RBFOX1: variants seen among roughly 807,000 people sequenced by gnomAD.
The protein encoded by RBFOX1 is RNA binding fox-1 homolog 1, also known as RNA binding protein fox-1 homolog 1.
In RBFOX1, 8 loss-of-function variants were observed where a neutral mutation model predicts 57.7. The ratio of observed to expected loss-of-function variants is 0.14; its 90% CI spans 0.08 to 0.25. The LOEUF (loss-of-function observed/expected upper bound fraction) is 0.25. Ranked by LOEUF, RBFOX1 falls within the 10% of genes least tolerant of loss-of-function variation. The pLI is 1.00. For synonymous variants in RBFOX1, 326 were observed against 222.4 expected, an observed-to-expected ratio of 1.47 and a Z score of -4.15; for missense variants, 611 against 548.5, an observed-to-expected ratio of 1.11 and a Z score of -1.14.
Position 7,555,851 on chromosome 16 carries a change from A to C in RBFOX1, c.271-23926A>C, listed in dbSNP as rs549326878. 5.9e-5 allele frequency among the ~76,000 whole-genome samples: 9 copies of C among 152,228 alleles called. No homozygotes were observed. In the East Asian group the frequency reaches 1.5e-3, roughly 26 times the overall value. On this transcript the variant is annotated intron_variant, in intron 5 of 15. Coordinates refer to ENST00000550418, the MANE Select transcript of RBFOX1 (RefSeq NM_018723.4). ...GGTCCCTTCCTCCTGCTCAGTATTT[A>C]TCTCATGGTGCCTATGCTTCCAACA...
chr16:5,519,128 C>T (rs943420944), intron 2 of RBFOX1, among the ~76,000 whole-genome samples: 6 of 152,174 alleles, frequency 3.9e-5, no homozygotes, highest in Non-Finnish European at 7.3e-5. Flanking sequence ...TCTCAAACTC[C>T]AAGCCTCCAG....
At chr16:5,870,403 T>G (rs2057442330) in intron 4 of RBFOX1, among the ~76,000 whole-genome samples, 1 of 146,326 alleles carries the variant, frequency 6.8e-6, no homozygotes. Context: ...TGAAGGCACT[T>G]GGCAAGAAAA....
At chr16:6,533,450 C>G (rs1269135013) in intron 2 of RBFOX1, among the ~76,000 whole-genome samples, 1 of 151,914 alleles carries the variant, frequency 6.6e-6, no homozygotes, top group African/African-American at 2.4e-5. Context: ...CACCAGCATC[C>G]ATAGTCCTGA....
chr16:5,788,520 T>C (rs1376193364), intron 3 of RBFOX1, among the ~76,000 whole-genome samples: 1 of 152,002 alleles, frequency 6.6e-6, no homozygotes, highest in African/African-American at 2.4e-5. Flanking sequence ...TCCCAGCTAG[T>C]TGGGAGGCTG....
At chr16:7,258,336 A>T (rs1283953189) in intron 4 of RBFOX1, among the ~76,000 whole-genome samples, 2 of 152,212 alleles carry the variant, frequency 1.3e-5, no homozygotes, top group African/African-American at 4.8e-5. Context: ...ATGATAAGAA[A>T]TATTAATGGT....
chr16:6,926,249 G>A (rs1034861626), intron 3 of RBFOX1, among the ~76,000 whole-genome samples: 2 of 152,194 alleles, frequency 1.3e-5, no homozygotes, highest in Non-Finnish European at 2.9e-5. Context: ...GGAGGTTGCA[G>A]TGAGCTGAGA....
intron 1 of RBFOX1, among the ~76,000 whole-genome samples, chr16:5,274,072 G>C (rs890388703): frequency 6.6e-6 from 1 of 152,150 alleles, no homozygotes; most frequent in African/African-American, 2.4e-5. Flanking sequence ...GCAGGTTTTC[G>C]CTCTTAAACC....
intron 4 of RBFOX1, among the ~76,000 whole-genome samples, chr16:7,213,892 C>G (rs1289952445): frequency 1.3e-5 from 2 of 152,092 alleles, no homozygotes; most frequent in African/African-American, 2.4e-5. Flanking sequence ...AGCTAGAGGG[C>G]TTTGCCAGCC....
Position 6,539,124 on chromosome 16 carries a change from G to GAAA in RBFOX1, c.-63-115470_-63-115468dup, listed in dbSNP as rs36099923. 3.5e-3 allele frequency among the ~76,000 whole-genome samples: 516 copies of GAAA among 148,504 alleles called. 2 individuals are homozygous for GAAA. The highest frequency in any genetic ancestry group is 0.011 in the East Asian group (55 of 5,016). ...GAAAGAACAGTTGATGATATTTGGT[G>GAAA]AAAAAAAAAAAGAAAATTTGCCCAT... On this transcript the variant is annotated intron_variant, in intron 2 of 15. Transcript: ENST00000550418.
chr16:5,509,359 A>C (rs1324519671), intron 2 of RBFOX1, among the ~76,000 whole-genome samples: 1 of 152,194 alleles, frequency 6.6e-6, no homozygotes, highest in Non-Finnish European at 1.5e-5. Context: ...AATGAGGAGA[A>C]GCGGGTGATC....
intron 12 of RBFOX1, among the ~76,000 whole-genome samples, chr16:7,662,876 C>G (rs760928538): frequency 3.3e-5 from 5 of 152,214 alleles, no homozygotes; most frequent in African/African-American, 4.8e-5. Context: ...TCAGATGTCT[C>G]AAGTAATATG....
At chr16:5,827,480 A>G (rs967851817) in intron 3 of RBFOX1, among the ~76,000 whole-genome samples, 3 of 151,978 alleles carry the variant, frequency 2.0e-5, no homozygotes, top group Non-Finnish European at 2.9e-5. Context: ...AGTTGAAGAC[A>G]ACTCTCTATG....
intron 1 of RBFOX1, among the ~76,000 whole-genome samples, chr16:5,410,407 T>C (rs1254468828): frequency 3.3e-5 from 5 of 151,984 alleles, no homozygotes; most frequent in Non-Finnish European, 7.4e-5. Context: ...ATTGTGCATG[T>C]CTCTTGTTGA....
chr16:5,803,025 T>C (rs2055109312), intron 3 of RBFOX1, among the ~76,000 whole-genome samples: 1 of 152,200 alleles, frequency 6.6e-6, no homozygotes, highest in African/African-American at 2.4e-5. Flanking sequence ...GACATGTACT[T>C]GGGTAATAAT....
At chr16:7,107,798 T>C (rs2151500712) in intron 4 of RBFOX1, among the ~76,000 whole-genome samples, 1 of 152,296 alleles carries the variant, frequency 6.6e-6, no homozygotes, top group African/African-American at 2.4e-5. Flanking sequence ...TTTTTCCATA[T>C]GTCTTTTTGT....
intron 3 of RBFOX1, among the ~76,000 whole-genome samples, chr16:6,851,666 G>A (rs562844406): frequency 1.3e-5 from 2 of 152,232 alleles, no homozygotes; most frequent in African/African-American, 4.8e-5. Context: ...AGGCTCTAGG[G>A]TCGAGAAGAC....
At chr16:5,743,283 GT>G (rs1407865089) in intron 3 of RBFOX1, among the ~76,000 whole-genome samples, 1 of 152,172 alleles carries the variant, frequency 6.6e-6, no homozygotes, top group Non-Finnish European at 1.5e-5. Context: ...GGCACCTTCT[GT>G]TTTCTGAGTT....
chr16:7,510,200 G>A lies in RBFOX1; in HGVS notation c.28-7947G>A, dbSNP rs577285028. 9.1e-6 allele frequency: 9 copies of A among 985,892 alleles called. No individual in the cohort carries two copies. The Admixed American group carries it at 1.8e-4, about 20-fold the overall frequency. 61.1% of individuals were successfully genotyped at this position (985,892 alleles called of 1,614,324 possible). On this transcript the variant is annotated intron_variant, in intron 4 of 15. Coordinates refer to ENST00000550418, the MANE Select transcript of RBFOX1 (RefSeq NM_018723.4). ...ACCCCGATCATCCACACATTGCACA[G>A]CGCGCACACCCTCGCTCGTAATTGA...
intron 4 of RBFOX1, among the ~76,000 whole-genome samples, chr16:7,136,248 A>T (rs918768619): frequency 6.6e-6 from 1 of 152,168 alleles, no homozygotes; most frequent in Admixed American, 6.5e-5. Context: ...CACAGTGGAT[A>T]TTGAAATGTA....
Sources: allele counts gnomAD v4.1 joint callset (sites outside exome capture counted in the v4.1 genomes callset), GRCh38; gene constraint gnomAD v4.1.1; transcripts MANE v1.5; gene names NCBI Gene and HGNC (gene_info 2026-07-23, HGNC 2026-07-21).